The following SLC25A26 variants were observed in gnomAD, a reference collection of about 807,000 sequenced individuals.
SLC25A26 encodes solute carrier family 25 member 26.
In SLC25A26, 36 loss-of-function variants were observed where a neutral mutation model predicts 37.8. That is an observed-to-expected ratio of 0.95 (90% CI 0.73 to 1.26). The LOEUF (loss-of-function observed/expected upper bound fraction) is 1.26. Ranked by LOEUF, SLC25A26 falls within the 50% of genes most tolerant of loss-of-function variation. The pLI, the probability that SLC25A26 is intolerant of heterozygous loss-of-function variation, is 0.00. For synonymous variants in SLC25A26, 129 were observed against 122.5 expected (o/e 1.05, Z -0.35); for missense variants, 390 against 331.1 (o/e 1.18, Z -1.38).
intron 7 of SLC25A26, among the ~76,000 whole-genome samples, chr3:66,363,516 G>A (rs993894268): frequency 6.6e-6 from 1 of 152,218 alleles, no homozygotes; most frequent in Non-Finnish European, 1.5e-5. Context: ...CCATCACTAA[G>A]TCATATGAAT....
chr3:66,294,486 G>A (rs2074829193), intron 5 of SLC25A26, among the ~76,000 whole-genome samples: 1 of 152,076 alleles, frequency 6.6e-6, no homozygotes, highest in Non-Finnish European at 1.5e-5. Context: ...AAGTGGTGTT[G>A]AATTTTATTG....
chr3:66,146,141 A>G (rs1371242625), intron 1 of SLC25A26, among the ~76,000 whole-genome samples: 2 of 152,120 alleles, frequency 1.3e-5, no homozygotes, highest in Non-Finnish European at 2.9e-5. Context: ...GGAGTTCAAG[A>G]CCAGCCTGGC....
At chr3:66,172,554 G>A (rs566327673) in intron 1 of SLC25A26, among the ~76,000 whole-genome samples, 1 of 152,184 alleles carries the variant, frequency 6.6e-6, no homozygotes, top group South Asian at 2.1e-4. Context: ...TAGTGTGCTG[G>A]GGCTGTCATA....
intron 1 of SLC25A26, among the ~76,000 whole-genome samples, chr3:66,165,386 T>C (rs1264982625): frequency 1.3e-5 from 2 of 152,298 alleles, no homozygotes; most frequent in African/African-American, 4.8e-5. Context: ...TACAGATCTA[T>C]TACATTAAGC....
intron 1 of SLC25A26, among the ~76,000 whole-genome samples, chr3:66,155,998 G>A (rs2070277371): frequency 1.3e-5 from 2 of 152,128 alleles, no homozygotes; most frequent in African/African-American, 2.4e-5. Flanking sequence ...GAATGTCTTA[G>A]CATAGGGGAA....
At chr3:66,371,689 A>G (rs1030430088) in intron 9 of SLC25A26, among the ~76,000 whole-genome samples, 11 of 152,240 alleles carry the variant, frequency 7.2e-5, no homozygotes, top group Admixed American at 6.5e-4. Flanking sequence ...GGGCTGCCAT[A>G]TCGTGAGGGG....
intron 8 of SLC25A26, 84 bp from the exon 9 acceptor site, chr3:66,370,445 C>T: frequency 9.4e-7 from 1 of 1,068,380 alleles, no homozygotes; most frequent in East Asian, 2.5e-5. Flanking sequence ...TGACGGGGAG[C>T]TGTGTGTCTG....
At chr3:66,368,506 C>T (rs562996435) in intron 7 of SLC25A26, among the ~76,000 whole-genome samples, 36 of 152,204 alleles carry the variant, frequency 2.4e-4, no homozygotes, top group African/African-American at 8.2e-4. Context: ...TGTGCTGAAG[C>T]GAGACTCAGG....
At chr3:66,202,856 A>T (rs2071128397) in intron 1 of SLC25A26, among the ~76,000 whole-genome samples, 1 of 152,226 alleles carries the variant, frequency 6.6e-6, no homozygotes, top group Non-Finnish European at 1.5e-5. Context: ...GACATCACTC[A>T]GTCTTGAAAA....
At chr3:66,343,908 A>G (rs922141629) in intron 5 of SLC25A26, among the ~76,000 whole-genome samples, 1 of 152,224 alleles carries the variant, frequency 6.6e-6, no homozygotes, top group African/African-American at 2.4e-5. Flanking sequence ...GGATAATGTC[A>G]GATGCTTTTA....
chr3:66,140,568 TA>T (rs1263239312), intron 1 of SLC25A26, among the ~76,000 whole-genome samples: 1 of 152,188 alleles, frequency 6.6e-6, no homozygotes, highest in Non-Finnish European at 1.5e-5. Flanking sequence ...CACGCTGAGG[TA>T]AAAACTAGAA....
intron 3 of SLC25A26, among the ~76,000 whole-genome samples, chr3:66,260,947 A>G (rs1213425944): frequency 6.6e-6 from 1 of 152,216 alleles, no homozygotes; most frequent in Non-Finnish European, 1.5e-5. Flanking sequence ...TTGGACAGGC[A>G]AAGCCTTATG....
At chr3:66,134,339 TGA>T (rs1220216305) in intron 1 of SLC25A26, among the ~76,000 whole-genome samples, 1 of 152,258 alleles carries the variant, frequency 6.6e-6, no homozygotes. Flanking sequence ...AAATGTTATT[TGA>T]ATTCCTTTGC....
chr3:66,226,921 T>G (rs1014479647), intron 1 of SLC25A26, among the ~76,000 whole-genome samples: 3 of 152,180 alleles, frequency 2.0e-5, no homozygotes, highest in African/African-American at 7.2e-5. Flanking sequence ...GTTTATTTAG[T>G]ACACTGTAAT....
At chr3:66,286,723 A>G (rs773168529) in intron 5 of SLC25A26, among the ~76,000 whole-genome samples, 12 of 152,262 alleles carry the variant, frequency 7.9e-5, no homozygotes, top group Non-Finnish European at 1.3e-4. Flanking sequence ...TCTGCCACCA[A>G]GGCTGGGGTG....
At chr3:66,239,903 A>G (rs544562834) in intron 2 of SLC25A26, among the ~76,000 whole-genome samples, 31 of 143,610 alleles carry the variant, frequency 2.2e-4, no homozygotes, top group African/African-American at 8.1e-4. Context: ...TTCAGGTTTC[A>G]GTCTGTGGTA....
At chr3:66,263,698 A>T (rs2073625286) in intron 5 of SLC25A26, among the ~76,000 whole-genome samples, 1 of 151,922 alleles carries the variant, frequency 6.6e-6, no homozygotes, top group Non-Finnish European at 1.5e-5. Context: ...TCGCTCTGTC[A>T]CCCAGGCTGG....
chr3:66,371,345 AT>A, intron 9 of SLC25A26: 2 of 1,544,566 alleles, frequency 1.3e-6, no homozygotes, highest in South Asian at 2.4e-5. Flanking sequence ...CACTTATGTG[AT>A]TGTAGTTTTT....
upstream of SLC25A26, chr3:66,220,984 T>C: frequency 1.7e-6 from 2 of 1,156,008 alleles, no homozygotes; most frequent in South Asian, 2.6e-5. Flanking sequence ...CGTCACGTGG[T>C]CCCGGAAGTT....
Sources: gnomAD v4.1 joint callset for allele counts (sites outside exome capture counted in the v4.1 genomes callset) on GRCh38, gnomAD v4.1.1 for gene constraint, MANE v1.5 for transcripts, NCBI Gene and HGNC (gene_info 2026-07-23, HGNC 2026-07-21) for gene names.